Variants in AHCY observed in about 807,000 individuals in gnomAD.
AHCY encodes the protein adenosylhomocysteinase.
Under a neutral mutation model 45.4 loss-of-function variants are expected in AHCY, and 24 were observed. The observed-to-expected ratio is 0.53, with a 90% CI of 0.38 to 0.74. AHCY has a LOEUF of 0.74. AHCY is among the 30% of genes least tolerant of loss of function. The pLI is 0.00. For synonymous variants in AHCY, 245 were observed against 235.1 expected (o/e 1.04, Z -0.39); for missense variants, 449 against 594.1 (o/e 0.76, Z 2.54).
the AHCY span, among the ~76,000 whole-genome samples, chr20:34,271,825 A>C: frequency 6.6e-6 from 1 of 152,072 alleles, no homozygotes; most frequent in Non-Finnish European, 1.5e-5. Flanking sequence ...TCAGCCTCCC[A>C]AAGTTCTGGG....
At chr20:34,291,652 C>T in intron 4 of AHCY, 121 bp from the exon 5 acceptor site, 1 of 907,722 alleles carries the variant, frequency 1.1e-6, no homozygotes, top group Non-Finnish European at 1.8e-6. Flanking sequence ...ACTGATCCCA[C>T]AGGCCCCCCA....
the AHCY span, among the ~76,000 whole-genome samples, chr20:34,258,685 A>ATATATATATATG: frequency 2.7e-5 from 2 of 74,492 alleles, no homozygotes; most frequent in African/African-American, 1.7e-4. Context: ...ATATATATAT[A>ATATATATATATG]TATATACATA....
At chr20:34,268,854 CG>C in the AHCY span, 3 of 1,040,642 alleles carry the variant, frequency 2.9e-6, no homozygotes, top group Non-Finnish European at 4.2e-6. Flanking sequence ...ACTGGGGGAG[CG>C]GGCGGTGGGC....
At chr20:34,299,499 CTCTTA>C (rs1465940140) in intron 1 of AHCY, among the ~76,000 whole-genome samples, 1 of 152,176 alleles carries the variant, frequency 6.6e-6, no homozygotes, top group East Asian at 1.9e-4. Context: ...TCTCCCAGTT[CTCTTA>C]TGTTTACCAA....
At chr20:34,258,778 A>T in the AHCY span, among the ~76,000 whole-genome samples, 51 of 100,966 alleles carry the variant, frequency 5.1e-4, 1 homozygote, top group East Asian at 0.014. Flanking sequence ...TAATATATAT[A>T]GTATATATAT....
At chr20:34,259,110 T>C in the AHCY span, among the ~76,000 whole-genome samples, 1 of 150,932 alleles carries the variant, frequency 6.6e-6, no homozygotes, top group Non-Finnish European at 1.5e-5. Context: ...CTCAGGAGGA[T>C]GAGGTGGGAG....
chr20:34,235,836 A>G, the AHCY span, among the ~76,000 whole-genome samples: 1,766 of 63,692 alleles, frequency 0.028, 190 homozygotes, highest in African/African-American at 0.18. Flanking sequence ...AAAGAAAGAA[A>G]GAAAGAAGGA....
chr20:34,253,400 C>T, the AHCY span, among the ~76,000 whole-genome samples: 2 of 151,356 alleles, frequency 1.3e-5, no homozygotes, highest in African/African-American at 4.8e-5. Flanking sequence ...GCCACCGCGC[C>T]CAGCCTGATC....
At chr20:34,268,914 G>A in the AHCY span, 21 of 1,525,840 alleles carry the variant, frequency 1.4e-5, no homozygotes, top group African/African-American at 2.2e-4. Flanking sequence ...TCCCTAGCCC[G>A]AGGAGCTCCC....
At chr20:34,266,094 C>T in the AHCY span, among the ~76,000 whole-genome samples, 36 of 151,512 alleles carry the variant, frequency 2.4e-4, 1 homozygote, top group Admixed American at 5.9e-4. Context: ...TGGCTCACGC[C>T]TATAATCCCA....
chr20:34,243,775 A>T, the AHCY span, among the ~76,000 whole-genome samples: 1 of 151,742 alleles, frequency 6.6e-6, no homozygotes, highest in Non-Finnish European at 1.5e-5. Context: ...AAAAAAAAAA[A>T]ACTGTCTCGC....
chr20:34,301,970 G>A (rs1316011967), intron 1 of AHCY: 7 of 984,920 alleles, frequency 7.1e-6, no homozygotes, highest in Non-Finnish European at 8.4e-6. Context: ...AAATGTGGAT[G>A]GCATTCTCCA....
At chr20:34,245,332 T>C in the AHCY span, among the ~76,000 whole-genome samples, 5 of 115,764 alleles carry the variant, frequency 4.3e-5, no homozygotes, top group Middle Eastern at 9.5e-3. Context: ...AGACTCTGTC[T>C]CAAAAAAAAA....
intron 2 of AHCY, 90 bp from the exon 3 acceptor site, chr20:34,294,246 G>A: frequency 1.7e-6 from 2 of 1,176,492 alleles, no homozygotes; most frequent in South Asian, 1.3e-5. Context: ...GCTTCGGGTA[G>A]TGGGGAGAGG....
At chr20:34,310,139 C>T (rs2036933730) in intron 1 of AHCY, among the ~76,000 whole-genome samples, 1 of 152,054 alleles carries the variant, frequency 6.6e-6, no homozygotes, top group Non-Finnish European at 1.5e-5. Flanking sequence ...CTGCAACCTC[C>T]ACCTCCCAGG....
the AHCY span, among the ~76,000 whole-genome samples, chr20:34,259,323 G>A: frequency 6.6e-6 from 1 of 152,050 alleles, no homozygotes; most frequent in South Asian, 2.1e-4. Flanking sequence ...GACCAGCCTG[G>A]CCAACATGGT....
downstream of AHCY, among the ~76,000 whole-genome samples, chr20:34,279,407 A>G (rs1474516994): frequency 6.7e-6 from 1 of 149,310 alleles, no homozygotes; most frequent in Non-Finnish European, 1.5e-5. Context: ...TGGGCAACAG[A>G]GCGAGACTGT....
In AHCY at chr20:34,310,303, C is replaced by T. The variant is rs568322812; in HGVS notation, c.-57+1169G>A. 3.3e-5 allele frequency among the ~76,000 whole-genome samples: 5 copies of T among 152,306 alleles called. No individual in the cohort carries two copies. The South Asian group carries it at 1.0e-3, about 32-fold the overall frequency. On this transcript the variant is annotated intron_variant, in intron 1 of 9. Transcript: ENST00000538132. ...CTTGAACGCCTGACCTCGTGATCCA[C>T]CTGCCTTGGCCTCCCAAAGTGCTGG...
At chr20:34,286,793 C>G (rs2036202019) in intron 8 of AHCY, among the ~76,000 whole-genome samples, 1 of 145,934 alleles carries the variant, frequency 6.9e-6, no homozygotes, top group Non-Finnish European at 1.5e-5. Flanking sequence ...AAGATCGCGC[C>G]ATTGCACTCC....
Sources: gnomAD v4.1 joint callset for allele counts (sites outside exome capture counted in the v4.1 genomes callset) on GRCh38, gnomAD v4.1.1 for gene constraint, MANE v1.5 for transcripts, NCBI Gene and HGNC (gene_info 2026-07-23, HGNC 2026-07-21) for gene names.